MKLN1: variants seen among roughly 807,000 people sequenced by gnomAD.
MKLN1 encodes the protein muskelin.
A neutral mutation model predicts 99.0 loss-of-function variants in MKLN1; 18 were observed. The observed-to-expected ratio is 0.18, with a 90% CI of 0.13 to 0.27. MKLN1 has a LOEUF of 0.27. Ranked by LOEUF, MKLN1 falls within the 10% of genes least tolerant of loss-of-function variation. The pLI is 1.00. For missense variants in MKLN1, 621 were observed against 875.9 expected (o/e 0.71, Z 3.67); for synonymous variants, 288 against 293.2 (o/e 0.98, Z 0.18).
At chr7:131,482,388 G>A (rs944517035) in intron 17 of MKLN1, among the ~76,000 whole-genome samples, 4 of 151,764 alleles carry the variant, frequency 2.6e-5, no homozygotes, top group African/African-American at 2.4e-5. Context: ...TACATTTTTT[G>A]TAGAGATGAG....
chr7:131,161,928 T>TAA (rs1400329518), intron 2 of MKLN1, among the ~76,000 whole-genome samples: 1 of 147,016 alleles, frequency 6.8e-6, no homozygotes, highest in Admixed American at 6.9e-5. Flanking sequence ...ATGTTATATA[T>TAA]ACATATATAC....
chr7:131,131,580 T>C (rs1322923436), intron 1 of MKLN1, among the ~76,000 whole-genome samples: 1 of 152,170 alleles, frequency 6.6e-6, no homozygotes, highest in Admixed American at 6.5e-5. Flanking sequence ...CTCAGGATGG[T>C]TTATGAACTT....
At chr7:131,429,630 G>T (rs1371110225) in intron 9 of MKLN1, among the ~76,000 whole-genome samples, 1 of 152,122 alleles carries the variant, frequency 6.6e-6, no homozygotes, top group African/African-American at 2.4e-5. Flanking sequence ...CCAGGCTGGA[G>T]TGCAGTGGCA....
chr7:131,241,404 A>C (rs933202276), intron 3 of MKLN1, among the ~76,000 whole-genome samples: 47 of 151,346 alleles, frequency 3.1e-4, no homozygotes, highest in African/African-American at 9.2e-4. Flanking sequence ...AAAAGAAAAA[A>C]AAAAAAAGAA....
intron 9 of MKLN1, among the ~76,000 whole-genome samples, chr7:131,436,256 T>C (rs1298884007): frequency 6.6e-6 from 1 of 152,180 alleles, no homozygotes; most frequent in African/African-American, 2.4e-5. Flanking sequence ...ACTGCTAGAT[T>C]ACTCTTCTTA....
intron 3 of MKLN1, among the ~76,000 whole-genome samples, chr7:131,252,483 C>CA (rs1240134683): frequency 6.6e-6 from 1 of 151,852 alleles, no homozygotes; most frequent in Non-Finnish European, 1.5e-5. Flanking sequence ...TGCATGCCAC[C>CA]ATACACGGCT....
At chr7:131,355,628 C>CTATATATATATATATATATATATATA (rs58377694) in intron 1 of MKLN1, among the ~76,000 whole-genome samples, 36 of 136,872 alleles carry the variant, frequency 2.6e-4, no homozygotes, top group South Asian at 4.6e-4. Context: ...TAACTTGATA[C>CTATATATATATATATATATATATATA]TATATATATA....
intron 8 of MKLN1, among the ~76,000 whole-genome samples, chr7:131,417,208 A>G (rs146473813): frequency 5.3e-5 from 8 of 152,284 alleles, no homozygotes; most frequent in East Asian, 3.9e-4. Context: ...CCACACTTCA[A>G]TATTGACACT....
At chr7:131,285,290 A>T (rs1798115324) in intron 3 of MKLN1, among the ~76,000 whole-genome samples, 1 of 152,216 alleles carries the variant, frequency 6.6e-6, no homozygotes, top group Non-Finnish European at 1.5e-5. Context: ...TAGGGGAGGA[A>T]AAAGGGCCTC....
intron 6 of MKLN1, among the ~76,000 whole-genome samples, chr7:131,408,839 A>C (rs953902641): frequency 6.6e-6 from 1 of 152,208 alleles, no homozygotes; most frequent in Admixed American, 6.5e-5. Flanking sequence ...TGTATGAAAT[A>C]TATTTATTAT....
intron 15 of MKLN1, among the ~76,000 whole-genome samples, chr7:131,466,705 A>G (rs747933499): frequency 6.6e-6 from 1 of 152,224 alleles, no homozygotes; most frequent in Admixed American, 6.5e-5. Context: ...GCTAACTACA[A>G]ATTAGATCAG....
rs935157624 is a variant in MKLN1 at position 131,487,676 on chromosome 7, CTGACAGCA to C, written c.2161_2168del (p.Met722SerfsTer2). 6.2e-7 allele frequency: 1 copy of C among 1,612,998 alleles called. No individual in the cohort carries two copies. Among genetic ancestry groups the C allele is most frequent in the Non-Finnish European group, 8.5e-7 (1 of 1,179,386 alleles). The stretch of plus-strand genomic sequence containing the variant: ...TTTGACACCTTAGTAAATTTCTTTC[CTGACAGCA>C]TGACTCCTCCTAAAGGCAACCTGGT... On this transcript the variant is annotated frameshift_variant, in exon 18 of 18. Transcript: ENST00000352689. LOFTEE classifies it high-confidence loss of function. The surrounding 1 kb of genome is among the most constrained non-coding windows in gnomAD (Gnocchi z 4.7).
At chr7:131,291,347 T>G (rs903174202) in intron 3 of MKLN1, among the ~76,000 whole-genome samples, 1 of 151,004 alleles carries the variant, frequency 6.6e-6, no homozygotes, top group Admixed American at 6.6e-5. Flanking sequence ...GCCAGGCTGG[T>G]CTCGAACTCC....
chr7:131,375,105 A>G (rs1206625051), intron 1 of MKLN1, among the ~76,000 whole-genome samples: 1 of 151,840 alleles, frequency 6.6e-6, no homozygotes, highest in Non-Finnish European at 1.5e-5. Context: ...AGCTATTTTT[A>G]CCTTAAATTC....
intron 2 of MKLN1, among the ~76,000 whole-genome samples, chr7:131,191,696 G>C (rs1223129356): frequency 6.7e-6 from 1 of 150,356 alleles, no homozygotes; most frequent in Non-Finnish European, 1.5e-5. Flanking sequence ...TGTATCTGCT[G>C]TATATATTTC....
Position 131,496,350 on chromosome 7 carries a change from CATT to C in MKLN1, c.*8623_*8625del, listed in dbSNP as rs1446160636. The C allele has an allele frequency of 6.6e-6, 1 of 152,100 alleles. No individual in the cohort carries two copies. Among genetic ancestry groups the C allele is most frequent in the Non-Finnish European group, 1.5e-5 (1 of 68,026 alleles). The allele number at this position is 152,100 out of a possible 1,614,324, so 9.4% of individuals were successfully genotyped here. Reference sequence around the variant, plus strand: ...TCTTCTGACATCAATTGTTTCAAATCATTGTTGGGCTCTGTCGTGTTCTGCAAT... The same window carrying C: ...TCTTCTGACATCAATTGTTTCAAATCGTTGGGCTCTGTCGTGTTCTGCAAT... On this transcript the variant is annotated 3_prime_UTR_variant, in exon 18 of 18. Transcript: ENST00000352689.
rs758340844 is a variant in MKLN1, at chr7:131,327,879, G to T, written c.-21G>T. 5 of 1,608,276 alleles carry T rather than the reference G, an allele frequency of 3.1e-6. No individual in the cohort carries two copies. The Admixed American group carries it at 5.0e-5, about 16-fold the overall frequency. ...CCGTTCGCTGCCAGCGGTCGGTGGCGGCCGCTACGGTGCTGACAAGATGGC... is the reference window on the plus strand; with the variant it reads ...CCGTTCGCTGCCAGCGGTCGGTGGCTGCCGCTACGGTGCTGACAAGATGGC... On this transcript the variant is annotated 5_prime_UTR_variant, in exon 1 of 18. Transcript: ENST00000352689.
intron 3 of MKLN1, among the ~76,000 whole-genome samples, chr7:131,306,904 C>A (rs1798474956): frequency 6.6e-6 from 1 of 152,182 alleles, no homozygotes; most frequent in African/African-American, 2.4e-5. Context: ...GTCTCCAGGG[C>A]AATTCAGAGA....
chr7:131,119,142 G>C lies in MKLN1; in HGVS notation c.-419+8935G>C, dbSNP rs1795322460. ...AGTTAGTTACTTCCAAGATACGATG[G>C]GGGTACAAGCATTGGGTAAATACTG... On this transcript the variant is annotated intron_variant, in intron 1 of 7. Transcript: ENST00000416992. Among the ~76,000 whole-genome samples, 3 of 152,222 alleles carry C rather than the reference G, an allele frequency of 2.0e-5. No homozygotes were observed. The South Asian group carries it at 6.2e-4, about 31-fold the overall frequency.
Sources: gnomAD v4.1 joint callset for allele counts (sites outside exome capture counted in the v4.1 genomes callset) on GRCh38, gnomAD v4.1.1 for gene constraint, Gnocchi (gnomAD v3.1) non-coding constraint, MANE v1.5 for transcripts, NCBI Gene and HGNC (gene_info 2026-07-23, HGNC 2026-07-21) for gene names.